Variants in CYP27C1 observed in about 807,000 individuals in gnomAD.
CYP27C1 encodes cytochrome P450 family 27 subfamily C member 1, also known as cytochrome P450 27C1.
CYP27C1 carries 29 observed loss-of-function variants against 40.6 expected under a neutral mutation model. The observed-to-expected ratio is 0.71, with a 90% CI of 0.53 to 0.97. The LOEUF is 0.97. Among genes scored for constraint, CYP27C1 ranks in the 50% least tolerant of loss-of-function variants. The probability of loss-of-function intolerance (pLI) is 0.00; values close to 1 mark genes in which losing one functional copy is unlikely to be tolerated. For synonymous variants in CYP27C1, 198 were observed against 186.8 expected, an observed-to-expected ratio of 1.06 and a Z score of -0.49; for missense variants, 390 against 485.8, an observed-to-expected ratio of 0.80 and a Z score of 1.85.
chr2:127,201,748 C>A lies in CYP27C1; in HGVS notation c.674-417G>T, dbSNP rs1169589053. Among the ~76,000 whole-genome samples, 3 of 152,156 alleles carry A rather than the reference C, an allele frequency of 2.0e-5. No individual in the cohort carries two copies. Among genetic ancestry groups the A allele is most frequent in the African/African-American group, 7.2e-5 (3 of 41,430 alleles). On this transcript the variant is annotated intron_variant, in intron 3 of 8. Transcript: ENST00000664447. The surrounding 1 kb of genome is among the most constrained non-coding windows in gnomAD (Gnocchi z 6.0). ...CAACACCCTCCTCTCAGGAAGGAGT[C>A]GGCAAACCTCACATGGCCTCTCCCT...
At chr2:127,211,690 C>A (rs1316885111) in intron 1 of CYP27C1, among the ~76,000 whole-genome samples, 1 of 151,946 alleles carries the variant, frequency 6.6e-6, no homozygotes, top group Non-Finnish European at 1.5e-5. Context: ...CGGCCTAAAG[C>A]AGTGTTAAGA....
At chr2:127,192,345 C>G (rs766312221) in intron 8 of CYP27C1, among the ~76,000 whole-genome samples, 26 of 152,212 alleles carry the variant, frequency 1.7e-4, no homozygotes, top group Non-Finnish European at 2.4e-4. Flanking sequence ...ACAGTCTTCT[C>G]CAACTTGCAG....
Position 127,203,419 on chromosome 2 carries a change from T to A in CYP27C1, c.626A>T (p.Glu209Val), listed in dbSNP as rs1174336361. ...AAGATCATTGACATTGGTCACGGTT[T>A]CTCCATCTTCTGCCTGGCTCCTGAG... is the stretch of plus-strand genomic sequence containing the variant. The part of the protein sequence containing the change: ...YLLRSQAEDG[E>V]TVTNVNDLFF... The change falls in exon 3 of 9, where the codon GAA becomes GTA. Residue 209 changes from glutamate to valine, a missense_variant. Transcript: ENST00000664447. 1 of 1,613,834 alleles carries A rather than the reference T, an allele frequency of 6.2e-7. No individual in the cohort carries two copies. The highest frequency in any genetic ancestry group is 1.7e-5 in the Admixed American group (1 of 59,970).
chr2:127,195,273 G>A lies in CYP27C1; in HGVS notation c.1214+62C>T. ...CGGGGGGGCATTTGGAGGACTTGTT[G>A]TGATAGAGAACCAGGGACCTAAGGG... On this transcript the variant is annotated intron_variant, in intron 6 of 8. Coordinates refer to ENST00000664447, the MANE Select transcript of CYP27C1 (RefSeq NM_001367502.1). This position sits in a 1 kb window ranked among gnomAD's most constrained non-coding sequence, Gnocchi z 6.2. The A allele has an allele frequency of 6.2e-7, 1 of 1,605,274 alleles. No individual in the cohort carries two copies. Among genetic ancestry groups the A allele is most frequent in the East Asian group, 2.2e-5 (1 of 44,806 alleles).
intron 5 of CYP27C1, among the ~76,000 whole-genome samples, chr2:127,198,804 G>C (rs954146300): frequency 6.6e-6 from 1 of 152,144 alleles, no homozygotes; most frequent in African/African-American, 2.4e-5. Flanking sequence ...TACCATCTAG[G>C]TTTGTGTAAA....
intron 6 of CYP27C1, among the ~76,000 whole-genome samples, chr2:127,194,410 T>C (rs1229178284): frequency 6.6e-6 from 1 of 152,230 alleles, no homozygotes; most frequent in African/African-American, 2.4e-5. Context: ...AATTCTTTAG[T>C]ATATACTGCA....
rs1361952857 is a variant in CYP27C1 at position 127,196,025 on chromosome 2, A to C, written c.1048-524T>G. Among the ~76,000 whole-genome samples the C allele has an allele frequency of 2.0e-5, 3 of 151,306 alleles. No homozygotes were observed. Among genetic ancestry groups the C allele is most frequent in the African/African-American group, 7.3e-5 (3 of 41,194 alleles). On this transcript the variant is annotated intron_variant, in intron 5 of 8. Coordinates refer to ENST00000664447, the MANE Select transcript of CYP27C1 (RefSeq NM_001367502.1). This position sits in a 1 kb window ranked among gnomAD's most constrained non-coding sequence, Gnocchi z 4.5. ...GTCCTGCCTTCATCAAGTAAGGTCC[A>C]CACAGAGCAAGTCAATAACTCGTCT... is the stretch of plus-strand genomic sequence containing the variant.
chr2:127,202,743 G>GT (rs558081094), intron 3 of CYP27C1, among the ~76,000 whole-genome samples: 2,062 of 144,250 alleles, frequency 0.014, 17 homozygotes, highest in South Asian at 0.024. Flanking sequence ...CAAACAAAAT[G>GT]TTTTTTTTTT....
Position 127,219,764 on chromosome 2 carries a change from C to T in CYP27C1, c.282+225G>A, listed in dbSNP as rs1289962016. ...TCCTGCCTCCTCCACCCCGGATCGCCTTTCCGGCGTCCTCTCCCCAGCGCC... is the reference window on the plus strand; with the variant it reads ...TCCTGCCTCCTCCACCCCGGATCGCTTTTCCGGCGTCCTCTCCCCAGCGCC... On this transcript the variant is annotated intron_variant, in intron 1 of 8. Coordinates refer to ENST00000664447, the MANE Select transcript of CYP27C1 (RefSeq NM_001367502.1). This position sits in a 1 kb window ranked among gnomAD's most constrained non-coding sequence, Gnocchi z 8.7. 6.6e-6 allele frequency among the ~76,000 whole-genome samples: 1 copy of T among 151,508 alleles called. No homozygotes were observed. Among genetic ancestry groups the T allele is most frequent in the South Asian group, 2.1e-4 (1 of 4,786 alleles).
chr2:127,202,519 C>T (rs1377597678), intron 3 of CYP27C1, among the ~76,000 whole-genome samples: 1 of 152,192 alleles, frequency 6.6e-6, no homozygotes, highest in Admixed American at 6.5e-5. Context: ...AGAATATTCA[C>T]ATGCGTTTTT....
At position 127,201,225 on chromosome 2, in the gene CYP27C1, G is replaced by A; in HGVS notation, c.780C>T (p.Phe260=). Residue 260 remains phenylalanine (F), a synonymous_variant, in exon 4 of 9, where the codon TTC becomes TTT. Transcript: ENST00000664447. This position sits in a 1 kb window ranked among gnomAD's most constrained non-coding sequence, Gnocchi z 6.0. The part of the protein sequence containing the change: ...IEALELMFSM[F]KTSMYAGAIP... The stretch of plus-strand genomic sequence containing the variant: ...TGGCGCCTGCATACATGGAGGTCTT[G>A]AACATGCTAAACATGAGCTCCAGGG... The A allele has an allele frequency of 6.2e-7, 1 of 1,613,676 alleles. No homozygotes were observed. Among genetic ancestry groups the A allele is most frequent in the Non-Finnish European group, 8.5e-7 (1 of 1,179,760 alleles).
rs556732518 is a variant in CYP27C1 at position 127,208,503 on chromosome 2, C to T, written c.283-2413G>A. ...CCTACTGAACTCCTGAGGGGATGGG[C>T]GACCAGCACCAGCTGCGGCTGCCTG... On this transcript the variant is annotated intron_variant, in intron 1 of 8. Coordinates refer to ENST00000664447, the MANE Select transcript of CYP27C1 (RefSeq NM_001367502.1). The surrounding 1 kb of genome is among the most constrained non-coding windows in gnomAD (Gnocchi z 5.2). Among the ~76,000 whole-genome samples, 16 of 152,326 alleles carry T rather than the reference C, an allele frequency of 1.1e-4. No individual in the cohort carries two copies. Among genetic ancestry groups the T allele is most frequent in the South Asian group, 1.0e-3 (5 of 4,828 alleles).
At chr2:127,197,540 A>T (rs978541232) in intron 5 of CYP27C1, among the ~76,000 whole-genome samples, 7 of 151,792 alleles carry the variant, frequency 4.6e-5, no homozygotes, top group African/African-American at 1.7e-4. Flanking sequence ...GAAGTCAATG[A>T]CTCCTACCTT....
In CYP27C1 at chr2:127,204,520, A is replaced by G. The variant is rs191415124; in HGVS notation, c.474-949T>C. On this transcript the variant is annotated intron_variant, in intron 2 of 8. Transcript: ENST00000664447. ...AGGAAGGAAGGAAAGAAAGAAGGAA[A>G]GAAAGAAAGAAAGAAAGAGAGAGAG... 6.3e-3 allele frequency among the ~76,000 whole-genome samples: 191 copies of G among 30,528 alleles called. 4 individuals are homozygous for G. The highest frequency in any genetic ancestry group is 8.9e-3 in the East Asian group (3 of 336). 20.0% of individuals were successfully genotyped at this position (30,528 alleles called of 152,430 possible). A position where few individuals can be genotyped will look rare whatever the true frequency, so the allele number is the denominator to read the frequency against.
chr2:127,193,265 C>T lies in CYP27C1; in HGVS notation c.1326G>A (p.Ser442=), dbSNP rs538766815. ...CCCGAGGGAAGTTCTCATCCTGGTACGATGTGGCATAGTGGCAAAGGGCCA... is the reference window on the plus strand; with the variant it reads ...CCCGAGGGAAGTTCTCATCCTGGTATGATGTGGCATAGTGGCAAAGGGCCA... ...TQLALCHYAT[S]YQDENFPRAK... is the part of the protein sequence containing the mutation. The change falls in exon 8 of 9, where the codon TCG becomes TCA. Residue 442 remains serine (S), a synonymous_variant. Coordinates refer to ENST00000664447, the MANE Select transcript of CYP27C1 (RefSeq NM_001367502.1). The T allele has an allele frequency of 6.8e-5, 109 of 1,614,178 alleles. No individual in the cohort carries two copies. Among genetic ancestry groups the T allele is most frequent in the East Asian group, 2.0e-4 (9 of 44,876 alleles).
chr2:127,206,632 A>T (rs976280957), intron 1 of CYP27C1, among the ~76,000 whole-genome samples: 8 of 152,192 alleles, frequency 5.3e-5, no homozygotes, highest in African/African-American at 1.9e-4. Context: ...TGTTTTTAAA[A>T]CTACCTTAGC....
chr2:127,189,526 C>T (rs1224950433), intron 8 of CYP27C1, among the ~76,000 whole-genome samples: 1 of 151,040 alleles, frequency 6.6e-6, no homozygotes, highest in Non-Finnish European at 1.5e-5. Flanking sequence ...ACCTAGTGGA[C>T]GGGTTGATGG....
In CYP27C1 at chr2:127,215,297, A is replaced by AT. The variant is rs201603563; in HGVS notation, c.282+4691dup. On this transcript the variant is annotated intron_variant, in intron 1 of 8. Coordinates refer to ENST00000664447, the MANE Select transcript of CYP27C1 (RefSeq NM_001367502.1). ...AAGGATTTAATAGTCTCTTAAACAA[A>AT]TGGCACAGGGACAACTGGATAGCCA... Among the ~76,000 whole-genome samples the AT allele has an allele frequency of 1.1e-4, 16 of 152,306 alleles. No homozygotes were observed. In the East Asian group the frequency reaches 2.7e-3, roughly 26 times the overall value.
At position 127,187,304 on chromosome 2, in the gene CYP27C1, C is replaced by G; in HGVS notation, c.1581G>C (p.Gly527=). 6.2e-7 allele frequency: 1 copy of G among 1,613,396 alleles called. No homozygotes were observed. The highest frequency in any genetic ancestry group is 1.1e-5 in the South Asian group (1 of 91,036). ...AKTHGLLTPG[G]PIHVRFVNRK Reference sequence around the variant, plus strand: ...TGTTAACAAATCGCACGTGGATGGGCCCCCCTGGCGTCAGGAGCCCGTGGG... The same window carrying G: ...TGTTAACAAATCGCACGTGGATGGGGCCCCCTGGCGTCAGGAGCCCGTGGG... The change falls in exon 9 of 9, where the codon GGG becomes GGC. Residue 527 remains glycine, a synonymous_variant. Transcript: ENST00000664447.
Sources: gnomAD v4.1 joint callset for allele counts (sites outside exome capture counted in the v4.1 genomes callset) on GRCh38, gnomAD v4.1.1 for gene constraint, Gnocchi (gnomAD v3.1) non-coding constraint, MANE v1.5 for transcripts, NCBI Gene and HGNC (gene_info 2026-07-23, HGNC 2026-07-21) for gene names.